Variants in SEC24B observed in about 807,000 individuals in gnomAD.
SEC24B encodes the protein protein transport protein Sec24B.
Under a neutral mutation model 142.8 loss-of-function variants are expected in SEC24B, and 45 were observed. The ratio of observed to expected loss-of-function variants is 0.32; its 90% CI spans 0.25 to 0.40. The LOEUF (loss-of-function observed/expected upper bound fraction) is 0.40. Ranked by LOEUF, SEC24B falls within the 10% of genes least tolerant of loss-of-function variation. The pLI, the probability that SEC24B is intolerant of heterozygous loss-of-function variation, is 1.00. For missense variants in SEC24B, 1,409 were observed against 1,526.8 expected, an observed-to-expected ratio of 0.92 and a Z score of 1.29; for synonymous variants, 574 against 568.2, an observed-to-expected ratio of 1.01 and a Z score of -0.15.
intron 3 of SEC24B, among the ~76,000 whole-genome samples, chr4:109,473,454 C>A (rs942980376): frequency 2.0e-5 from 3 of 151,746 alleles, no homozygotes; most frequent in Non-Finnish European, 4.4e-5. Context: ...TATTTCATTC[C>A]TCTGTCATGG....
At chr4:109,452,400 T>C (rs1730202996) in intron 1 of SEC24B, among the ~76,000 whole-genome samples, 1 of 152,252 alleles carries the variant, frequency 6.6e-6, no homozygotes, top group Non-Finnish European at 1.5e-5. Flanking sequence ...TACTGGCTTC[T>C]GTGTGAACGC....
intron 1 of SEC24B, among the ~76,000 whole-genome samples, chr4:109,456,374 CTATT>C (rs916247684): frequency 1.0e-5 from 1 of 97,458 alleles, no homozygotes; most frequent in Admixed American, 1.1e-4. Context: ...AGTCTATCTA[CTATT>C]TATTTATTTT....
At chr4:109,472,105 T>G (rs1732580402) in intron 2 of SEC24B, among the ~76,000 whole-genome samples, 1 of 152,222 alleles carries the variant, frequency 6.6e-6, no homozygotes, top group South Asian at 2.1e-4. Context: ...ATAACACATT[T>G]TGTTTTGTCA....
chr4:109,472,461 A>G (rs1054043260), intron 2 of SEC24B, among the ~76,000 whole-genome samples: 1 of 152,212 alleles, frequency 6.6e-6, no homozygotes, highest in African/African-American at 2.4e-5. Flanking sequence ...ACTTAGTTAC[A>G]TGTGAAATAA....
rs1286032444 is a variant in SEC24B, at chr4:109,506,420, T to A, written c.1581T>A (p.Leu527=). The change falls in exon 7 of 24, where the codon CTT becomes CTA. Residue 527 remains leucine (L), a synonymous_variant. Coordinates refer to ENST00000265175, the MANE Select transcript of SEC24B (RefSeq NM_006323.5). ...CAGAAAGCCTGAGACCTGTAAACCT[T>A]ACTCAGGAGAGGAATATTTTACCTA... ...PQPESLRPVN[L]TQERNILPMT... is the part of the protein sequence containing the mutation. 2.5e-6 allele frequency: 4 copies of A among 1,610,292 alleles called. No individual in the cohort carries two copies. In the African/African-American group the frequency reaches 5.3e-5, roughly 22 times the overall value.
chr4:109,456,643 A>G (rs1034842519), intron 1 of SEC24B, among the ~76,000 whole-genome samples: 1 of 152,144 alleles, frequency 6.6e-6, no homozygotes, highest in Non-Finnish European at 1.5e-5. Context: ...TTCTGTATCT[A>G]TTGATGTGAT....
In SEC24B at chr4:109,540,420, A is replaced by G. The variant is rs1726057104; in HGVS notation, c.*745A>G. The G allele has an allele frequency of 6.6e-6, 1 of 152,508 alleles. No individual in the cohort carries two copies. Among genetic ancestry groups the G allele is most frequent in the African/African-American group, 2.4e-5 (1 of 41,448 alleles). 9.4% of individuals were successfully genotyped at this position (152,508 alleles called of 1,614,324 possible). The stretch of plus-strand genomic sequence containing the variant: ...TTAAATCTTTTATGTAGATTTATTT[A>G]TGATCAGCCTACTAATTAAAACTAT... On this transcript the variant is annotated 3_prime_UTR_variant, in exon 24 of 24. Coordinates refer to ENST00000265175, the MANE Select transcript of SEC24B (RefSeq NM_006323.5).
At chr4:109,467,158 CTACTAAAAA>C (rs1731995089) in intron 2 of SEC24B, among the ~76,000 whole-genome samples, 1 of 151,452 alleles carries the variant, frequency 6.6e-6, no homozygotes, top group African/African-American at 2.4e-5. Context: ...AACCCCGTCT[CTACTAAAAA>C]TACAAAAAAT....
chr4:109,454,538 CA>C (rs540899392), intron 1 of SEC24B, among the ~76,000 whole-genome samples: 17,183 of 125,536 alleles, frequency 0.14, 3,185 homozygotes, highest in African/African-American at 0.43. Context: ...ATTCTGTCTC[CA>C]AAAAAAAAAA....
intron 6 of SEC24B, among the ~76,000 whole-genome samples, chr4:109,499,589 A>G (rs139859519): frequency 9.6e-4 from 146 of 152,314 alleles, no homozygotes; most frequent in African/African-American, 3.0e-3. Context: ...TGGACCACAT[A>G]TGTGATGGTG....
intron 23 of SEC24B, among the ~76,000 whole-genome samples, 200 bp from the exon 24 acceptor site, chr4:109,539,361 G>A (rs1490110393): frequency 6.6e-6 from 1 of 151,776 alleles, no homozygotes; most frequent in Non-Finnish European, 1.5e-5. Flanking sequence ...TCCCACCTTA[G>A]CCTCTTAAAG....
chr4:109,440,301 A>G (rs1007576198), intron 1 of SEC24B, among the ~76,000 whole-genome samples: 9 of 152,124 alleles, frequency 5.9e-5, no homozygotes, highest in Non-Finnish European at 1.3e-4. Flanking sequence ...TGTAAACCAT[A>G]TTCATTGCCA....
At chr4:109,484,587 A>AG (rs1487733354) in intron 4 of SEC24B, among the ~76,000 whole-genome samples, 1 of 152,214 alleles carries the variant, frequency 6.6e-6, no homozygotes, top group African/African-American at 2.4e-5. Context: ...GCAGTGGCTC[A>AG]CGCCTGTAAT....
Position 109,473,115 on chromosome 4 carries a change from C to T in SEC24B, c.989C>T (p.Pro330Leu). The T allele has an allele frequency of 6.3e-7, 1 of 1,599,520 alleles. No homozygotes were observed. Among genetic ancestry groups the T allele is most frequent in the African/African-American group, 1.3e-5 (1 of 74,116 alleles). Residue 330 changes from proline to leucine, a missense_variant, in exon 3 of 24, where the codon CCT (proline) becomes CTT (leucine). Transcript: ENST00000265175. ...GSSGSSSTRTPPTANHPVEPV... is the reference protein window; with the variant it reads ...GSSGSSSTRTLPTANHPVEPV... ...TCAGGATCCTCATCAACAAGAACAC[C>T]TCCCACTGCAAATCACCCAGTTGAG...
At chr4:109,480,308 C>T (rs984688488) in intron 3 of SEC24B, among the ~76,000 whole-genome samples, 3 of 151,634 alleles carry the variant, frequency 2.0e-5, no homozygotes, top group Non-Finnish European at 4.4e-5. Flanking sequence ...AAAGCACTAT[C>T]GTGTGATTTT....
intron 2 of SEC24B, among the ~76,000 whole-genome samples, chr4:109,468,031 A>G (rs1355787288): frequency 6.6e-6 from 1 of 152,238 alleles, no homozygotes; most frequent in African/African-American, 2.4e-5. Context: ...TGTATCTGTC[A>G]TCTCTGGTTG....
chr4:109,517,044 T>C (rs1723011060), intron 11 of SEC24B, among the ~76,000 whole-genome samples: 1 of 152,144 alleles, frequency 6.6e-6, no homozygotes, highest in Admixed American at 6.6e-5. Context: ...GTACAGCCAT[T>C]ATAGAAAACA....
chr4:109,451,594 A>G (rs779896647), intron 1 of SEC24B, among the ~76,000 whole-genome samples: 39 of 152,052 alleles, frequency 2.6e-4, no homozygotes, highest in Middle Eastern at 3.2e-3. Flanking sequence ...TTCTGACACT[A>G]CAAGTTACTC....
intron 4 of SEC24B, among the ~76,000 whole-genome samples, chr4:109,487,995 T>C (rs1409413488): frequency 6.6e-6 from 1 of 152,248 alleles, no homozygotes; most frequent in African/African-American, 2.4e-5. Context: ...TAAGTTCATA[T>C]ATAAGTAATC....
Sources: gnomAD v4.1 joint callset for allele counts (sites outside exome capture counted in the v4.1 genomes callset) on GRCh38, gnomAD v4.1.1 for gene constraint, MANE v1.5 for transcripts, NCBI Gene and HGNC (gene_info 2026-07-23, HGNC 2026-07-21) for gene names.